CDH22: variants seen among roughly 807,000 people sequenced by gnomAD.
CDH22 encodes the protein cadherin 22.
Under a neutral mutation model 58.4 loss-of-function variants are expected in CDH22, and 30 were observed. That is an observed-to-expected ratio of 0.51 (90% confidence interval 0.38 to 0.70). The LOEUF is 0.70. CDH22 is among the 30% of genes least tolerant of loss of function. The probability of loss-of-function intolerance (pLI) is 0.00; values close to 1 mark genes in which losing one functional copy is unlikely to be tolerated. For missense variants in CDH22, 1,014 were observed against 1,233.9 expected, an observed-to-expected ratio of 0.82 and a Z score of 2.67; for synonymous variants, 513 against 558.2, an observed-to-expected ratio of 0.92 and a Z score of 1.14.
intron 1 of CDH22, among the ~76,000 whole-genome samples, chr20:46,303,050 G>A (rs1455993661): frequency 2.0e-5 from 3 of 152,172 alleles, no homozygotes. Flanking sequence ...CTCCCCTGCT[G>A]AAAACCTGTG....
chr20:46,198,974 GC>G (rs1568655462), intron 8 of CDH22, among the ~76,000 whole-genome samples: 1 of 152,044 alleles, frequency 6.6e-6, no homozygotes. Context: ...TTAGCACTTA[GC>G]ATCACCTGAC....
intron 1 of CDH22, among the ~76,000 whole-genome samples, chr20:46,283,110 C>T (rs900096259): frequency 5.3e-5 from 8 of 152,196 alleles, no homozygotes; most frequent in African/African-American, 1.9e-4. Context: ...GCATGGGGTG[C>T]CCCCCACATC....
At chr20:46,191,734 A>G (rs1293699321) in intron 8 of CDH22, among the ~76,000 whole-genome samples, 1 of 152,196 alleles carries the variant, frequency 6.6e-6, no homozygotes, top group East Asian at 1.9e-4. Flanking sequence ...TAACCACCAC[A>G]TGATGTTGCC....
At chr20:46,239,030 G>A (rs370447517) in intron 3 of CDH22, among the ~76,000 whole-genome samples, 13 of 152,142 alleles carry the variant, frequency 8.5e-5, no homozygotes, top group African/African-American at 1.7e-4. Flanking sequence ...CATTCCCTCC[G>A]CCTGGAATGC....
In CDH22 at chr20:46,250,319, A is replaced by G. The variant is rs189106960; in HGVS notation, c.255+721T>C. Among the ~76,000 whole-genome samples the G allele has an allele frequency of 1.0e-3, 157 of 152,368 alleles. 1 individual carries two copies. The highest frequency in any genetic ancestry group is 1.4e-3 in the Admixed American group (22 of 15,308). ...ACATGGTCTAATAGAAAAGACACAC[A>G]TTAATTGCACAATGAAACAAACACA... On this transcript the variant is annotated intron_variant, in intron 2 of 11. Coordinates refer to ENST00000537909, the MANE Select transcript of CDH22 (RefSeq NM_021248.3).
intron 1 of CDH22, among the ~76,000 whole-genome samples, chr20:46,269,745 T>A (rs1166216755): frequency 6.6e-6 from 1 of 152,198 alleles, no homozygotes; most frequent in Non-Finnish European, 1.5e-5. Flanking sequence ...CCAGGGAAAC[T>A]GGCCTGTTGC....
chr20:46,181,748 C>CTTCGTTCG (rs1281203240), intron 10 of CDH22, among the ~76,000 whole-genome samples: 2 of 26,320 alleles, frequency 7.6e-5, no homozygotes, highest in Admixed American at 4.2e-4. Context: ...TCCTTCCTTC[C>CTTCGTTCG]TTCCTTCTTT....
chr20:46,179,385 C>T (rs926975756), intron 10 of CDH22, among the ~76,000 whole-genome samples: 29 of 152,172 alleles, frequency 1.9e-4, no homozygotes, highest in Non-Finnish European at 1.5e-5. Context: ...GTTAACCCAG[C>T]TCCTTCCCCA....
intron 1 of CDH22, among the ~76,000 whole-genome samples, chr20:46,260,336 A>C (rs1388235745): frequency 6.6e-6 from 1 of 152,170 alleles, no homozygotes; most frequent in Non-Finnish European, 1.5e-5. Flanking sequence ...GGAACTACTG[A>C]ATTAAGCCAC....
chr20:46,237,192 G>A (rs1183369633), intron 3 of CDH22, among the ~76,000 whole-genome samples: 1 of 152,276 alleles, frequency 6.6e-6, no homozygotes. Flanking sequence ...TCCAGAGGGG[G>A]CAGGAAGTCG....
At chr20:46,178,675 A>G (rs2085761642) in intron 10 of CDH22, among the ~76,000 whole-genome samples, 1 of 140,174 alleles carries the variant, frequency 7.1e-6, no homozygotes, top group Non-Finnish European at 1.5e-5. Flanking sequence ...TTCTGACCCT[A>G]GGAATCCTAT....
rs1344450435 is a variant in CDH22, at chr20:46,210,834, G to A, written c.1033-274C>T. On this transcript the variant is annotated intron_variant, in intron 6 of 11. Coordinates refer to ENST00000537909, the MANE Select transcript of CDH22 (RefSeq NM_021248.3). This position sits in a 1 kb window ranked among gnomAD's most constrained non-coding sequence, Gnocchi z 4.5. The stretch of plus-strand genomic sequence containing the variant: ...CCCAAACTTCCTGCTTCCCAGCGCA[G>A]TGTTGGCGGCATATTTCATTAGTTT... 2.0e-5 allele frequency among the ~76,000 whole-genome samples: 3 copies of A among 152,360 alleles called. No homozygotes were observed. Among genetic ancestry groups the A allele is most frequent in the Admixed American group, 6.5e-5 (1 of 15,304 alleles).
intron 4 of CDH22, among the ~76,000 whole-genome samples, chr20:46,221,317 T>C (rs1233887055): frequency 3.4e-5 from 5 of 147,466 alleles, no homozygotes; most frequent in African/African-American, 1.3e-4. Flanking sequence ...AGATGACTGA[T>C]AGAGAAATCC....
At chr20:46,178,220 G>C in intron 10 of CDH22, 23 bp from the exon 11 acceptor site, 1 of 1,601,830 alleles carries the variant, frequency 6.2e-7, no homozygotes, top group African/African-American at 1.3e-5. Flanking sequence ...AAGGGGGAGC[G>C]GTGTGACTTG....
intron 8 of CDH22, among the ~76,000 whole-genome samples, chr20:46,187,777 A>G (rs1021038708): frequency 4.6e-5 from 7 of 152,104 alleles, no homozygotes; most frequent in Non-Finnish European, 5.9e-5. Context: ...ACCACAGAGC[A>G]CACAGCATGC....
Position 46,210,651 on chromosome 20 carries a change from C to A in CDH22, c.1033-91G>T. The A allele has an allele frequency of 8.0e-7, 1 of 1,242,878 alleles. No individual in the cohort carries two copies. The highest frequency in any genetic ancestry group is 1.1e-6 in the Non-Finnish European group (1 of 938,644). The allele number at this position is 1,242,878 out of a possible 1,614,324, so 77.0% of individuals were successfully genotyped here. On this transcript the variant is annotated intron_variant, in intron 6 of 11. Coordinates refer to ENST00000537909, the MANE Select transcript of CDH22 (RefSeq NM_021248.3). The surrounding 1 kb of genome is among the most constrained non-coding windows in gnomAD (Gnocchi z 4.5). ...GAGGCCAAGGCAGGCGGGGTTGGCCCAAGGTCACACGTTGTCTCAGCAGGG... is the reference window on the plus strand; with the variant it reads ...GAGGCCAAGGCAGGCGGGGTTGGCCAAAGGTCACACGTTGTCTCAGCAGGG...
At chr20:46,222,534 T>C (rs532649268) in intron 4 of CDH22, among the ~76,000 whole-genome samples, 1 of 152,382 alleles carries the variant, frequency 6.6e-6, no homozygotes, top group East Asian at 1.9e-4. Flanking sequence ...AGCAGAGATC[T>C]TGAAATCTCG....
chr20:46,274,133 A>C (rs1209743189), intron 1 of CDH22, among the ~76,000 whole-genome samples: 1 of 151,886 alleles, frequency 6.6e-6, no homozygotes, highest in Non-Finnish European at 1.5e-5. Context: ...GGGGGAGAGG[A>C]CTCTGCAGCT....
At chr20:46,256,788 G>C (rs2086408686) in intron 1 of CDH22, among the ~76,000 whole-genome samples, 1 of 151,816 alleles carries the variant, frequency 6.6e-6, no homozygotes, top group Non-Finnish European at 1.5e-5. Flanking sequence ...ATTCCTTGAG[G>C]CCAGGGGTTC....
Sources: allele counts gnomAD v4.1 joint callset (sites outside exome capture counted in the v4.1 genomes callset), GRCh38; gene constraint gnomAD v4.1.1; non-coding constraint Gnocchi (gnomAD v3.1); transcripts MANE v1.5; gene names NCBI Gene and HGNC (gene_info 2026-07-23, HGNC 2026-07-21).